The following CCDC192 variants were observed in gnomAD, a reference collection of about 807,000 sequenced individuals.
CCDC192 encodes coiled-coil domain-containing protein 192.
intron 2 of CCDC192, among the ~76,000 whole-genome samples, chr5:127,747,514 C>G (rs960048543): frequency 3.7e-4 from 56 of 152,216 alleles, no homozygotes; most frequent in Non-Finnish European, 6.0e-4. Flanking sequence ...CATTGTTGGG[C>G]ATTTGGGTTG....
chr5:127,704,551 T>A (rs142774252), intron 1 of CCDC192, among the ~76,000 whole-genome samples: 1 of 152,318 alleles, frequency 6.6e-6, no homozygotes, highest in Non-Finnish European at 1.5e-5. Flanking sequence ...TCTTATTTGC[T>A]TTTCGTCTTG....
At chr5:127,906,000 T>TA (rs1753184166) in intron 6 of CCDC192, among the ~76,000 whole-genome samples, 1 of 152,242 alleles carries the variant, frequency 6.6e-6, no homozygotes, top group African/African-American at 2.4e-5. Flanking sequence ...TTCTTTTTTT[T>TA]ATAACTGTTT....
chr5:127,874,222 A>C (rs1308912965), intron 5 of CCDC192, among the ~76,000 whole-genome samples: 2 of 152,136 alleles, frequency 1.3e-5, no homozygotes, highest in Admixed American at 6.5e-5. Context: ...AACCCTGCCT[A>C]ATTCTACCCT....
chr5:127,853,939 C>G (rs1259221465), intron 5 of CCDC192, among the ~76,000 whole-genome samples: 2 of 152,136 alleles, frequency 1.3e-5, no homozygotes, highest in East Asian at 3.9e-4. Context: ...ATGCACCACT[C>G]GCTTTTCACC....
chr5:127,839,511 A>G (rs1276033259), intron 5 of CCDC192, among the ~76,000 whole-genome samples: 1 of 152,204 alleles, frequency 6.6e-6, no homozygotes, highest in African/African-American at 2.4e-5. Flanking sequence ...TAAATTTTCT[A>G]TTTTTAAAGT....
chr5:127,808,901 A>T (rs1757934508), intron 5 of CCDC192, among the ~76,000 whole-genome samples: 1 of 152,190 alleles, frequency 6.6e-6, no homozygotes, highest in Non-Finnish European at 1.5e-5. Flanking sequence ...GAATGTATAA[A>T]TGCCATATAC....
At chr5:127,880,547 A>G (rs1454417537) in intron 6 of CCDC192, among the ~76,000 whole-genome samples, 1 of 151,634 alleles carries the variant, frequency 6.6e-6, no homozygotes, top group Non-Finnish European at 1.5e-5. Context: ...GCACATGTAT[A>G]CATATGTAAC....
intron 3 of CCDC192, among the ~76,000 whole-genome samples, chr5:127,770,625 T>G (rs58102336): frequency 0.044 from 6,668 of 152,288 alleles, 488 homozygotes; most frequent in African/African-American, 0.15. Context: ...GATGGTACAT[T>G]ATTTAATTTT....
intron 2 of CCDC192, among the ~76,000 whole-genome samples, chr5:127,728,900 G>GTTTCTTTT (rs1752482126): frequency 6.6e-6 from 1 of 151,964 alleles, no homozygotes; most frequent in African/African-American, 2.4e-5. Flanking sequence ...TGCAATCCTA[G>GTTTCTTTT]TTTCTTTTTT....
intron 5 of CCDC192, among the ~76,000 whole-genome samples, chr5:127,859,769 T>C (rs1436603229): frequency 6.6e-6 from 1 of 152,232 alleles, no homozygotes; most frequent in African/African-American, 2.4e-5. Context: ...TTCATTTCTG[T>C]GGATTCTCAC....
At chr5:127,735,506 A>G (rs1475309629) in intron 2 of CCDC192, among the ~76,000 whole-genome samples, 1 of 105,594 alleles carries the variant, frequency 9.5e-6, no homozygotes, top group Non-Finnish European at 2.0e-5. Context: ...TGAATCTGTA[A>G]ATTACCTTGG....
At chr5:127,784,497 G>A (rs1331743275) in intron 3 of CCDC192, 3 of 345,064 alleles carry the variant, frequency 8.7e-6, no homozygotes, top group East Asian at 7.9e-5. Flanking sequence ...CTTGGTCTCA[G>A]CTTTAAAAAG....
chr5:127,711,956 A>C (rs574563991), intron 2 of CCDC192, among the ~76,000 whole-genome samples: 12 of 152,176 alleles, frequency 7.9e-5, no homozygotes, highest in Middle Eastern at 3.4e-3. Context: ...TACCATGTGA[A>C]GCTACCACCA....
intron 2 of CCDC192, among the ~76,000 whole-genome samples, chr5:127,722,529 T>C (rs1472036209): frequency 6.6e-6 from 1 of 152,204 alleles, no homozygotes; most frequent in African/African-American, 2.4e-5. Flanking sequence ...CAAGAAATAT[T>C]TGCCCAGAAC....
chr5:127,759,446 G>C (rs1271397628), intron 3 of CCDC192, among the ~76,000 whole-genome samples: 1 of 152,130 alleles, frequency 6.6e-6, no homozygotes, highest in East Asian at 1.9e-4. Flanking sequence ...ACCATGTGAG[G>C]ACAGAGCAAG....
chr5:127,915,529 G>A (rs576861268), intron 6 of CCDC192, among the ~76,000 whole-genome samples: 15 of 152,176 alleles, frequency 9.9e-5, no homozygotes, highest in African/African-American at 3.6e-4. Flanking sequence ...CTACAGGCAC[G>A]CACCGCCATG....
At chr5:127,774,774 C>T (rs1158905966) in intron 3 of CCDC192, among the ~76,000 whole-genome samples, 3 of 152,054 alleles carry the variant, frequency 2.0e-5, no homozygotes, top group Non-Finnish European at 2.9e-5. Context: ...GACTGACTCT[C>T]TTATTCTGAA....
In CCDC192 at chr5:127,703,459, A is replaced by G. The variant is rs1447925637; in HGVS notation, c.14A>G (p.Tyr5Cys). The G allele has an allele frequency of 5.0e-6, 2 of 398,926 alleles. No individual in the cohort carries two copies. Among genetic ancestry groups the G allele is most frequent in the Non-Finnish European group, 8.8e-6 (2 of 226,058 alleles). The allele number at this position is 398,926 out of a possible 1,614,324, so 24.7% of individuals were successfully genotyped here. Residue 5 changes from tyrosine (Y) to cysteine (C), a missense_variant, in exon 1 of 7, where the codon TAT becomes TGT. Physicochemically the swap from Tyr to Cys is radical, Grantham distance 194. Transcript: ENST00000514853. ...GTCTGGCTTGAGATGGGACAATGCT[A>G]TAGCAAGAAATCTGTGGTCCCAGAG... MGQC[Y>C]SKKSVVPESD... is the part of the protein sequence containing the mutation.
At chr5:127,740,124 CA>C (rs990898081) in intron 2 of CCDC192, 1 of 152,248 alleles carries the variant, frequency 6.6e-6, no homozygotes, top group Non-Finnish European at 1.5e-5. Flanking sequence ...ACTGGGCAGT[CA>C]AAACAGCTTG....
Sources: gnomAD v4.1 joint callset for allele counts (sites outside exome capture counted in the v4.1 genomes callset) on GRCh38, gnomAD v4.1.1 for gene constraint, MANE v1.5 for transcripts, NCBI Gene and HGNC (gene_info 2026-07-23, HGNC 2026-07-21) for gene names.